Variants in DACH2 observed in about 807,000 individuals in gnomAD.
DACH2 encodes the protein dachshund family transcription factor 2, also known as dachshund homolog 2.
In DACH2, 17 loss-of-function variants were observed where a neutral mutation model predicts 35.8. That is an observed-to-expected ratio of 0.48 (90% CI 0.33 to 0.71). The LOEUF (loss-of-function observed/expected upper bound fraction) is 0.71. DACH2 is among the 30% of genes least tolerant of loss of function. The pLI, the probability that DACH2 is intolerant of heterozygous loss-of-function variation, is 0.02. For synonymous variants in DACH2, 195 were observed against 177.3 expected (o/e 1.10, Z -0.79); for missense variants, 469 against 472.7 (o/e 0.99, Z 0.07).
intron 3 of DACH2, among the ~76,000 whole-genome samples, chrX:86,572,023 TA>T (rs1207110761): frequency 9.0e-6 from 1 of 111,156 alleles, no homozygotes; most frequent in Non-Finnish European, 1.9e-5. Context: ...ATAGATTTTT[TA>T]AAAAAATTCA....
chrX:86,247,771 A>G (rs2033315178), intron 1 of DACH2, among the ~76,000 whole-genome samples: 1 of 111,341 alleles, frequency 9.0e-6, no homozygotes, highest in African/African-American at 3.3e-5. Context: ...TCCCTGATTA[A>G]CGTAGATGGA....
chrX:86,400,900 C>T (rs753537006), intron 2 of DACH2, among the ~76,000 whole-genome samples: 1 of 112,338 alleles, frequency 8.9e-6, no homozygotes, highest in East Asian at 2.8e-4. Flanking sequence ...CTACTCTCTT[C>T]AAAGCTGTCA....
intron 2 of DACH2, among the ~76,000 whole-genome samples, chrX:86,501,329 T>C (rs2038245991): frequency 9.0e-6 from 1 of 111,640 alleles, no homozygotes; most frequent in Non-Finnish European, 1.9e-5. Context: ...AAGGAAGCTG[T>C]CAAAGAGTTT....
At chrX:86,433,543 G>A (rs754688458) in intron 2 of DACH2, among the ~76,000 whole-genome samples, 25 of 111,605 alleles carry the variant, frequency 2.2e-4, no homozygotes, top group African/African-American at 6.8e-4. Context: ...AAGGCAGTAT[G>A]CTAGGTAGCT....
intron 1 of DACH2, among the ~76,000 whole-genome samples, chrX:86,210,284 T>A (rs1256318046): frequency 8.9e-6 from 1 of 111,955 alleles, no homozygotes; most frequent in Non-Finnish European, 1.9e-5. Flanking sequence ...ATGATTACTA[T>A]CTCTATTTTT....
chrX:86,563,930 C>A (rs1365971866), intron 3 of DACH2, among the ~76,000 whole-genome samples: 2 of 110,967 alleles, frequency 1.8e-5, no homozygotes, highest in African/African-American at 6.5e-5. Flanking sequence ...TCCCTTATTT[C>A]CACATTTTTA....
At chrX:86,433,809 T>A (rs1484248492) in intron 2 of DACH2, among the ~76,000 whole-genome samples, 1 of 111,576 alleles carries the variant, frequency 9.0e-6, no homozygotes, top group African/African-American at 3.3e-5. Context: ...TTATCAGGTG[T>A]GTATTGTAGT....
chrX:86,782,686 G>T (rs1390928881), intron 7 of DACH2, among the ~76,000 whole-genome samples: 1 of 111,555 alleles, frequency 9.0e-6, no homozygotes, highest in East Asian at 2.8e-4. Context: ...ATGGTGTTGG[G>T]AAAACTGAAT....
intron 3 of DACH2, among the ~76,000 whole-genome samples, chrX:86,635,469 C>CAAG (rs1368656395): frequency 9.0e-6 from 1 of 110,923 alleles, no homozygotes; most frequent in Admixed American, 9.6e-5. Flanking sequence ...AAAACTGGCA[C>CAAG]AAGACAAGAA....
At chrX:86,397,384 T>C (rs1371945548) in intron 2 of DACH2, among the ~76,000 whole-genome samples, 99 of 111,308 alleles carry the variant, frequency 8.9e-4, no homozygotes, top group African/African-American at 3.2e-3. Flanking sequence ...CCCTTTATTT[T>C]CTTCTCTTGC....
intron 7 of DACH2, among the ~76,000 whole-genome samples, chrX:86,785,972 A>G (rs1008902649): frequency 1.8e-5 from 2 of 111,637 alleles, no homozygotes; most frequent in Admixed American, 9.5e-5. Flanking sequence ...TTCGACAATC[A>G]TATCACAAGA....
At chrX:86,221,598 C>G (rs978246369) in intron 1 of DACH2, among the ~76,000 whole-genome samples, 1 of 111,712 alleles carries the variant, frequency 9.0e-6, no homozygotes, top group African/African-American at 3.3e-5. Context: ...TATAAAAATG[C>G]CATTTGGATT....
chrX:86,245,694 C>T (rs756248194), intron 1 of DACH2, among the ~76,000 whole-genome samples: 54 of 111,702 alleles, frequency 4.8e-4, no homozygotes, highest in Admixed American at 6.7e-4. Context: ...AAAACAGCAA[C>T]ATTAAAGATT....
chrX:86,480,972 T>G (rs12857487), intron 2 of DACH2: 1 of 112,267 alleles, frequency 8.9e-6, no homozygotes, highest in Non-Finnish European at 1.9e-5. Context: ...ATTCTTATTG[T>G]TCCTGTGTTT....
At chrX:86,391,146 G>T (rs1758433922) in intron 2 of DACH2, among the ~76,000 whole-genome samples, 1 of 105,548 alleles carries the variant, frequency 9.5e-6, no homozygotes, top group Non-Finnish European at 1.9e-5. Flanking sequence ...GCCAGGTGTG[G>T]TGGTACATGC....
chrX:86,680,661 T>C lies in DACH2; in HGVS notation c.773-14360T>C, dbSNP rs1273951677. 2.9e-5 allele frequency among the ~76,000 whole-genome samples: 3 copies of C among 104,598 alleles called. No individual in the cohort carries two copies. In the Admixed American group the frequency reaches 3.1e-4, roughly 11 times the overall value. The allele number at this position is 104,598 out of a possible 115,157, so 90.8% of individuals were successfully genotyped here. ...TCATAATGACTCATTTCTTTTTTTT[T>C]TTTTTTTTTTGAGACAGGGTCTCAC... On this transcript the variant is annotated intron_variant, in intron 4 of 11. Coordinates refer to ENST00000373125, the MANE Select transcript of DACH2 (RefSeq NM_053281.3).
intron 5 of DACH2, among the ~76,000 whole-genome samples, chrX:86,699,863 C>A (rs2148448475): frequency 9.0e-6 from 1 of 111,654 alleles, no homozygotes; most frequent in East Asian, 2.8e-4. Context: ...AATACTAACA[C>A]TGACTTAGCT....
At chrX:86,494,219 C>T (rs949990709) in intron 2 of DACH2, among the ~76,000 whole-genome samples, 1 of 112,077 alleles carries the variant, frequency 8.9e-6, no homozygotes, top group African/African-American at 3.2e-5. Context: ...TGGAACAAGC[C>T]TTTAACAAAT....
chrX:86,305,008 G>A, intron 1 of DACH2: 1 of 148,490 alleles, frequency 6.7e-6, no homozygotes. Context: ...AGGCCATGGA[G>A]GCTGAAGTGC....
Sources: gnomAD v4.1 joint callset for allele counts (sites outside exome capture counted in the v4.1 genomes callset) on GRCh38, gnomAD v4.1.1 for gene constraint, MANE v1.5 for transcripts, NCBI Gene and HGNC (gene_info 2026-07-23, HGNC 2026-07-21) for gene names.